The following ADCY9 variants were observed in gnomAD, a reference collection of about 807,000 sequenced individuals.
ADCY9 encodes adenylate cyclase type 9.
In ADCY9, 50 loss-of-function variants were observed where a neutral mutation model predicts 101.5. That is an observed-to-expected ratio of 0.49 (90% CI 0.39 to 0.62). The LOEUF is 0.62. Ranked by LOEUF, ADCY9 falls within the 20% of genes least tolerant of loss-of-function variation. The pLI is 0.00. For missense variants in ADCY9, 1,662 were observed against 1,800.4 expected, an observed-to-expected ratio of 0.92 and a Z score of 1.39; for synonymous variants, 905 against 769.3, an observed-to-expected ratio of 1.18 and a Z score of -2.92.
At chr16:4,057,360 A>C (rs1489987824) in intron 2 of ADCY9, among the ~76,000 whole-genome samples, 2 of 152,110 alleles carry the variant, frequency 1.3e-5, no homozygotes, top group East Asian at 3.9e-4. Flanking sequence ...GGTACAATTC[A>C]GTGGTGTCTA....
At position 3,963,555 on chromosome 16, in the gene ADCY9, A is replaced by G; in HGVS notation, c.*2220T>C. On this transcript the variant is annotated 3_prime_UTR_variant, in exon 11 of 11. Coordinates refer to ENST00000294016, the MANE Select transcript of ADCY9 (RefSeq NM_001116.4). ...TCTGCACGGGGCTGAACCAGACTCC[A>G]CTTTGCAGCTCCTTGGTTTCCCGGG... 1 of 381,430 alleles carries G rather than the reference A, an allele frequency of 2.6e-6. No individual in the cohort carries two copies. The highest frequency in any genetic ancestry group is 4.6e-6 in the Non-Finnish European group (1 of 215,538). 23.6% of individuals were successfully genotyped at this position (381,430 alleles called of 1,614,324 possible).
intron 2 of ADCY9, among the ~76,000 whole-genome samples, chr16:4,053,403 A>G (rs1274169580): frequency 1.3e-5 from 2 of 152,172 alleles, no homozygotes; most frequent in Non-Finnish European, 2.9e-5. Context: ...TGAGACATAA[A>G]ATAATATTGA....
intron 2 of ADCY9, among the ~76,000 whole-genome samples, chr16:4,099,440 T>A (rs934384824): frequency 6.6e-6 from 1 of 152,154 alleles, no homozygotes; most frequent in Admixed American, 6.5e-5. Flanking sequence ...TTCATTTTCT[T>A]TTCAAAAAAG....
Position 4,069,435 on chromosome 16 carries a change from A to G in ADCY9, c.1693+44315T>C, listed in dbSNP as rs190958675. ...CTTCTCGGGGGAGCCGTGAAGATGT[A>G]ATGAGCGAAGGCATCTCAGACACTT... On this transcript the variant is annotated intron_variant, in intron 2 of 10. Coordinates refer to ENST00000294016, the MANE Select transcript of ADCY9 (RefSeq NM_001116.4). Among the ~76,000 whole-genome samples the G allele has an allele frequency of 1.1e-3, 171 of 152,130 alleles. 2 individuals are homozygous for G. In the Middle Eastern group the frequency reaches 0.024, roughly 21 times the overall value.
chr16:4,039,949 G>A (rs932694432), intron 2 of ADCY9, among the ~76,000 whole-genome samples: 10 of 152,140 alleles, frequency 6.6e-5, no homozygotes, highest in Admixed American at 5.9e-4. Context: ...TGAAGTGGGA[G>A]GATCACCTGA....
chr16:3,966,056 C>G lies in ADCY9; in HGVS notation c.3781G>C (p.Asp1261His), dbSNP rs774577020. 1 of 1,614,232 alleles carries G rather than the reference C, an allele frequency of 6.2e-7. No homozygotes were observed. Among genetic ancestry groups the G allele is most frequent in the Non-Finnish European group, 8.5e-7 (1 of 1,180,048 alleles). ...IPQHQLSISP[D>H]IRVQVDGSIG... ...CTGCCATCCACCTGGACGCGGATGT[C>G]TGGGGAGATGGACAGCTGGTGCTGT... The change falls in exon 11 of 11, where the codon GAC becomes CAC. Residue 1261 changes from aspartate (D) to histidine (H), a missense_variant. By Grantham distance (81) the Asp-to-His change is moderately conservative (BLOSUM62 -1). Transcript: ENST00000294016.
intron 3 of ADCY9, among the ~76,000 whole-genome samples, chr16:4,001,553 C>A (rs543751770): frequency 2.0e-5 from 3 of 152,016 alleles, no homozygotes; most frequent in African/African-American, 7.3e-5. Context: ...CCCCGCCCCC[C>A]ACCTTTCTTT....
intron 2 of ADCY9, 85 bp from the exon 3 acceptor site, chr16:4,007,643 T>C (rs1043369606): frequency 4.3e-6 from 5 of 1,168,938 alleles, no homozygotes; most frequent in Non-Finnish European, 6.0e-6. Context: ...TGGAGAGGAC[T>C]CACTCCTGGA....
rs759986887 is a variant in ADCY9 at position 3,966,153 on chromosome 16, G to A, written c.3684C>T (p.Thr1228=). Residue 1228 remains threonine (T), a synonymous_variant, in exon 11 of 11, where the codon ACC becomes ACT. Coordinates refer to ENST00000294016, the MANE Select transcript of ADCY9 (RefSeq NM_001116.4). ...TCTGGCCTTTCCCCTTGACATTCAC[G>A]GTCCCTCTGTAGTCGAAGTCATAGC... is the stretch of plus-strand genomic sequence containing the variant. ...KMGYDFDYRG[T]VNVKGKGQMK... 12 of 1,614,030 alleles carry A rather than the reference G, an allele frequency of 7.4e-6. No individual in the cohort carries two copies. The highest frequency in any genetic ancestry group is 5.0e-5 in the Admixed American group (3 of 59,994).
intron 2 of ADCY9, among the ~76,000 whole-genome samples, chr16:4,021,393 G>C (rs1218219293): frequency 6.6e-6 from 1 of 152,238 alleles, no homozygotes; most frequent in Non-Finnish European, 1.5e-5. Flanking sequence ...GAACCAGGTA[G>C]AATCTAATTC....
Position 4,074,530 on chromosome 16 carries a change from G to A in ADCY9, c.1693+39220C>T, listed in dbSNP as rs28669037. Among the ~76,000 whole-genome samples the A allele has an allele frequency of 5.6e-3, 758 of 136,086 alleles. 9 individuals carry two copies. The highest frequency in any genetic ancestry group is 0.021 in the African/African-American group (717 of 33,848). 89.3% of individuals were successfully genotyped at this position (136,086 alleles called of 152,430 possible). A position where few individuals can be genotyped will look rare whatever the true frequency, so the allele number is the denominator to read the frequency against. On this transcript the variant is annotated intron_variant, in intron 2 of 10. Coordinates refer to ENST00000294016, the MANE Select transcript of ADCY9 (RefSeq NM_001116.4). ...GGCAACATAGTGAGGATCTGCCTCC[G>A]CAAAAAAAAAAAAACAAAATTTAAA...
At position 3,993,493 on chromosome 16, in the gene ADCY9, T is replaced by G; in HGVS notation, c.1902A>C (p.Gly634=). The G allele has an allele frequency of 6.2e-7, 1 of 1,614,112 alleles. No individual in the cohort carries two copies. The highest frequency in any genetic ancestry group is 1.7e-5 in the Admixed American group (1 of 60,026). ...FDNLKTCPSC[G]ITFAPKSEAG... ...CTTCAGATTTGGGAGCAAATGTGAT[T>G]CCGCACGAAGGGCAGGTCTAGAAGA... Residue 634 remains glycine (G), a synonymous_variant, in exon 4 of 11, where the codon GGA becomes GGC. Coordinates refer to ENST00000294016, the MANE Select transcript of ADCY9 (RefSeq NM_001116.4).
Position 4,097,453 on chromosome 16 carries a change from CATATATATATATATAT to C in ADCY9, c.1693+16281_1693+16296del, listed in dbSNP as rs71394653. Among the ~76,000 whole-genome samples, 95 of 71,070 alleles carry C rather than the reference CATATATATATATATAT, an allele frequency of 1.3e-3. 2 individuals are homozygous for C. Among genetic ancestry groups the C allele is most frequent in the Admixed American group, 3.7e-3 (22 of 5,870 alleles). The allele number at this position is 71,070 out of a possible 152,430, so 46.6% of individuals were successfully genotyped here. On this transcript the variant is annotated intron_variant, in intron 2 of 10. Coordinates refer to ENST00000294016, the MANE Select transcript of ADCY9 (RefSeq NM_001116.4). ...AACAGGGTACTCACATGTGGAGTTA[CATATATATATATATAT>C]ATATATATATATATATATACACACA...
chr16:4,057,930 G>T (rs1192735080), intron 2 of ADCY9, among the ~76,000 whole-genome samples: 2 of 152,104 alleles, frequency 1.3e-5, no homozygotes, highest in African/African-American at 4.8e-5. Context: ...AGGCCAAGGT[G>T]GGCAGATCGC....
chr16:4,021,774 C>T (rs1225823238), intron 2 of ADCY9, among the ~76,000 whole-genome samples: 2 of 152,192 alleles, frequency 1.3e-5, no homozygotes, highest in African/African-American at 4.8e-5. Flanking sequence ...GAGGACAATT[C>T]CAGGCTGAAG....
rs9939172 is a variant in ADCY9, at chr16:4,011,720, C to T, written c.1694-4162G>A. 2.6e-4 allele frequency among the ~76,000 whole-genome samples: 39 copies of T among 151,896 alleles called. No homozygotes were observed. In the South Asian group the frequency reaches 7.9e-3, roughly 31 times the overall value. On this transcript the variant is annotated intron_variant, in intron 2 of 10. Transcript: ENST00000294016. ...GGGCAGGAGCAGAGCTAGTGAGCTG[C>T]TTCATCGCTGCCTCTCAGTTTCCTC...
intron 2 of ADCY9, among the ~76,000 whole-genome samples, chr16:4,017,303 G>A (rs144498712): frequency 1.5e-4 from 22 of 150,424 alleles, no homozygotes; most frequent in African/African-American, 5.3e-4. Flanking sequence ...GAGAATACAA[G>A]GTAGAGTGAG....
intron 2 of ADCY9, among the ~76,000 whole-genome samples, chr16:4,102,251 T>A (rs1349053926): frequency 6.6e-6 from 1 of 152,082 alleles, no homozygotes; most frequent in Admixed American, 6.6e-5. Flanking sequence ...GACACCATCA[T>A]TCCTATAAAT....
chr16:3,956,647 C>A (rs146237045), intron 5 of ADCY9, among the ~76,000 whole-genome samples: 1 of 140,006 alleles, frequency 7.1e-6, no homozygotes, highest in African/African-American at 2.5e-5. Context: ...CATGCCACCA[C>A]ACCTGGCTAA....
Sources: gnomAD v4.1 joint callset for allele counts (sites outside exome capture counted in the v4.1 genomes callset) on GRCh38, gnomAD v4.1.1 for gene constraint, MANE v1.5 for transcripts, NCBI Gene and HGNC (gene_info 2026-07-23, HGNC 2026-07-21) for gene names.